The following CFAP20DC variants were observed in gnomAD, a reference collection of about 807,000 sequenced individuals.
The protein encoded by CFAP20DC is protein CFAP20DC.
CFAP20DC carries 84 observed loss-of-function variants against 101.7 expected under a neutral mutation model. The observed-to-expected ratio is 0.83, with a 90% CI of 0.69 to 0.99. The LOEUF is 0.99. Ranked by LOEUF, CFAP20DC falls within the 50% of genes least tolerant of loss-of-function variation. The pLI is 0.00. For missense variants in CFAP20DC, 1,007 were observed against 970.3 expected, an observed-to-expected ratio of 1.04 and a Z score of -0.50; for synonymous variants, 359 against 351.2, an observed-to-expected ratio of 1.02 and a Z score of -0.25.
At chr3:58,906,086 A>T (rs1399675336) in intron 6 of CFAP20DC, among the ~76,000 whole-genome samples, 1 of 152,210 alleles carries the variant, frequency 6.6e-6, no homozygotes. Context: ...TACATATAAA[A>T]TGGTGATAAT....
chr3:58,723,736 G>T (rs564230527), intron 3 of CFAP20DC, among the ~76,000 whole-genome samples: 1 of 152,202 alleles, frequency 6.6e-6, no homozygotes, highest in Non-Finnish European at 1.5e-5. Flanking sequence ...CAGGTGGGGT[G>T]TAAGTAGTAA....
intron 6 of CFAP20DC, among the ~76,000 whole-genome samples, chr3:58,895,992 C>A (rs2082641339): frequency 6.6e-6 from 1 of 152,204 alleles, no homozygotes; most frequent in South Asian, 2.1e-4. Flanking sequence ...CCTACCAGAT[C>A]CATCCCACAA....
downstream of CFAP20DC, among the ~76,000 whole-genome samples, chr3:58,738,175 GC>G (rs2067800898): frequency 6.6e-6 from 1 of 151,978 alleles, no homozygotes; most frequent in Non-Finnish European, 1.5e-5. This position sits in a 1 kb window ranked among gnomAD's most constrained non-coding sequence, Gnocchi z 4.4. Flanking sequence ...GTGATAACAG[GC>G]AATTCTTTTT....
At chr3:58,809,796 A>C (rs2074447409) in intron 14 of CFAP20DC, among the ~76,000 whole-genome samples, 1 of 152,196 alleles carries the variant, frequency 6.6e-6, no homozygotes, top group Non-Finnish European at 1.5e-5. Context: ...CAAAATTGAT[A>C]GACCTCCAGC....
In CFAP20DC at chr3:59,007,287, T is replaced by C. The variant is rs980595893; in HGVS notation, c.278+32270A>G. Among the ~76,000 whole-genome samples the C allele has an allele frequency of 3.3e-5, 5 of 151,924 alleles. No individual in the cohort carries two copies. Among genetic ancestry groups the C allele is most frequent in the Non-Finnish European group, 7.4e-5 (5 of 68,002 alleles). ...GTAGCTGAACACAAAAGACATAAAC[T>C]CTTGGGAGCTTTGTGGCTCTGCCCA... On this transcript the variant is annotated intron_variant, in intron 4 of 16. Coordinates refer to ENST00000482387, the MANE Select transcript of CFAP20DC (RefSeq NM_001394063.1). The surrounding 1 kb of genome is among the most constrained non-coding windows in gnomAD (Gnocchi z 4.4).
chr3:58,782,159 G>T, intron 15 of CFAP20DC, among the ~76,000 whole-genome samples: 1 of 151,632 alleles, frequency 6.6e-6, no homozygotes, highest in Non-Finnish European at 1.5e-5. Context: ...TTAACAGAAT[G>T]AAGAAATGAT....
At chr3:58,909,104 C>T (rs2083891479) in intron 6 of CFAP20DC, among the ~76,000 whole-genome samples, 1 of 152,078 alleles carries the variant, frequency 6.6e-6, no homozygotes, top group Admixed American at 6.5e-5. Flanking sequence ...TTTGCAAGAA[C>T]CCAAAGAGCG....
At chr3:58,814,710 A>C (rs1446354669) in intron 14 of CFAP20DC, among the ~76,000 whole-genome samples, 2 of 150,816 alleles carry the variant, frequency 1.3e-5, no homozygotes, top group Non-Finnish European at 2.9e-5. Context: ...TGATACACCA[A>C]CAACAGACAA....
chr3:58,811,470 A>G (rs2107789324), intron 14 of CFAP20DC, among the ~76,000 whole-genome samples: 1 of 152,290 alleles, frequency 6.6e-6, no homozygotes, highest in East Asian at 1.9e-4. Flanking sequence ...TTCCCTATTT[A>G]ATAAATGGTG....
At chr3:58,941,418 T>G (rs945944670) in intron 4 of CFAP20DC, among the ~76,000 whole-genome samples, 10 of 151,732 alleles carry the variant, frequency 6.6e-5, no homozygotes, top group Non-Finnish European at 1.2e-4. Context: ...TTTCTCTATA[T>G]GGTACTTGTT....
At position 58,866,465 on chromosome 3, in the gene CFAP20DC, A is replaced by G. The variant is rs184644189; in HGVS notation, c.1258+101T>C. On this transcript the variant is annotated intron_variant, in intron 11 of 16. Coordinates refer to ENST00000482387, the MANE Select transcript of CFAP20DC (RefSeq NM_001394063.1). Reference sequence around the variant, plus strand: ...TACACAAACTTACACATTTTAGCAAATCGGCTGCATCACCACTTTTCAAAA... The same window carrying G: ...TACACAAACTTACACATTTTAGCAAGTCGGCTGCATCACCACTTTTCAAAA... 751 of 940,780 alleles carry G rather than the reference A, an allele frequency of 8.0e-4. 5 individuals are homozygous for G. Among genetic ancestry groups the G allele is most frequent in the Admixed American group, 1.9e-4 (7 of 37,098 alleles). The allele number at this position is 940,780 out of a possible 1,614,324, so 58.3% of individuals were successfully genotyped here.
At chr3:58,731,869 T>A (rs1222735236) in intron 3 of CFAP20DC, among the ~76,000 whole-genome samples, 1 of 152,220 alleles carries the variant, frequency 6.6e-6, no homozygotes. Flanking sequence ...ATAGAACCAT[T>A]GTTGGTCAAT....
intron 4 of CFAP20DC, among the ~76,000 whole-genome samples, chr3:59,020,234 G>C (rs945744841): frequency 2.3e-4 from 35 of 152,096 alleles, no homozygotes; most frequent in African/African-American, 7.5e-4. Flanking sequence ...CCCACATAAA[G>C]AAAAGCTCTT....
chr3:58,871,618 T>G (rs1279562810), intron 7 of CFAP20DC, among the ~76,000 whole-genome samples: 1 of 150,446 alleles, frequency 6.6e-6, no homozygotes, highest in Non-Finnish European at 1.5e-5. Context: ...AACCGCCGCC[T>G]CCTGGGTTCA....
At chr3:59,032,827 C>T (rs144499505) in intron 4 of CFAP20DC, among the ~76,000 whole-genome samples, 1 of 152,250 alleles carries the variant, frequency 6.6e-6, no homozygotes, top group Non-Finnish European at 1.5e-5. Flanking sequence ...GTGGATCTCC[C>T]AGCACAGCAC....
chr3:58,958,148 A>G (rs926931519), intron 4 of CFAP20DC, among the ~76,000 whole-genome samples: 1 of 152,094 alleles, frequency 6.6e-6, no homozygotes, highest in African/African-American at 2.4e-5. Flanking sequence ...AAATTTTTTA[A>G]AAATTATTTT....
intron 6 of CFAP20DC, among the ~76,000 whole-genome samples, chr3:58,905,945 G>A (rs2083546236): frequency 6.6e-6 from 1 of 152,130 alleles, no homozygotes; most frequent in Non-Finnish European, 1.5e-5. Context: ...CAGCACATGA[G>A]AAGCAGCAAA....
chr3:58,794,311 G>A (rs775982380), intron 15 of CFAP20DC: 44 of 454,926 alleles, frequency 9.7e-5, no homozygotes, highest in Non-Finnish European at 3.5e-5. Flanking sequence ...TGTCTTAATG[G>A]ATGGCAAAGG....
downstream of CFAP20DC, among the ~76,000 whole-genome samples, chr3:58,740,121 C>A (rs898772543): frequency 6.6e-6 from 1 of 152,056 alleles, no homozygotes; most frequent in Non-Finnish European, 1.5e-5. This position sits in a 1 kb window ranked among gnomAD's most constrained non-coding sequence, Gnocchi z 4.6. Flanking sequence ...TGGTTGGGTG[C>A]TCTGGCAGGT....
Sources: allele counts gnomAD v4.1 joint callset (sites outside exome capture counted in the v4.1 genomes callset), GRCh38; gene constraint gnomAD v4.1.1; non-coding constraint Gnocchi (gnomAD v3.1); transcripts MANE v1.5; gene names NCBI Gene and HGNC (gene_info 2026-07-23, HGNC 2026-07-21).